Variants in CNTRL observed in about 807,000 individuals in gnomAD.
The protein encoded by CNTRL is 110 kDa centrosomal protein.
A neutral mutation model predicts 303.7 loss-of-function variants in CNTRL; 233 were observed. That is an observed-to-expected ratio of 0.77 (90% confidence interval 0.69 to 0.86). The LOEUF is 0.86. Ranked by LOEUF, CNTRL falls within the 40% of genes least tolerant of loss-of-function variation. The pLI, the probability that CNTRL is intolerant of heterozygous loss-of-function variation, is 0.00. For synonymous variants in CNTRL, 900 were observed against 922.2 expected (o/e 0.98, Z 0.44); for missense variants, 2,524 against 2,650.6 (o/e 0.95, Z 1.05).
At position 121,161,930 on chromosome 9, in the gene CNTRL, A is replaced by AGGGT; in HGVS notation, c.5165_5168dup (p.Ser1724GlyfsTer3). On this transcript the variant is annotated frameshift_variant, in exon 33 of 44. Transcript: ENST00000373855. LOFTEE classifies it high-confidence loss of function. Reference sequence around the variant, plus strand: ...AGGTTTGAAGCTACAACATGACCAAAGGGTATCTGAATTAGAGAAGACTCA... The same window carrying AGGGT: ...AGGTTTGAAGCTACAACATGACCAAAGGGTGGGTATCTGAATTAGAGAAGACTCA... 1 of 1,614,206 alleles carries AGGGT rather than the reference A, an allele frequency of 6.2e-7. No individual in the cohort carries two copies. The highest frequency in any genetic ancestry group is 8.5e-7 in the Non-Finnish European group (1 of 1,180,028).
At chr9:121,126,670 A>G (rs973842376) in intron 14 of CNTRL, among the ~76,000 whole-genome samples, 1 of 152,114 alleles carries the variant, frequency 6.6e-6, no homozygotes, top group Non-Finnish European at 1.5e-5. Context: ...TATGGTTATT[A>G]TTTCCCTGCA....
Position 121,166,151 on chromosome 9 carries a change from G to A in CNTRL, c.5626G>A (p.Val1876Ile), listed in dbSNP as rs768158186. ...VNSLQEELAN[V>I]QDHLNLAKQD... ...CTCACTGCAGGAGGAACTAGCTAAT[G>A]TCCAAGACCATTTGAACCTAGCAAA... Residue 1876 changes from valine (V) to isoleucine (I), a missense_variant, in exon 36 of 44, where the codon GTC becomes ATC. Val to Ile is a conservative substitution (Grantham distance 29). Coordinates refer to ENST00000373855, the MANE Select transcript of CNTRL (RefSeq NM_007018.6). The A allele has an allele frequency of 5.6e-6, 9 of 1,612,328 alleles. No individual in the cohort carries two copies. Among genetic ancestry groups the A allele is most frequent in the South Asian group, 5.5e-5 (5 of 90,740 alleles).
At chr9:121,167,702 TAAAA>T in intron 37 of CNTRL, 25 bp downstream of exon 37, 2 of 1,594,610 alleles carry the variant, frequency 1.3e-6, no homozygotes, top group Non-Finnish European at 1.7e-6. Flanking sequence ...TGATTTTACA[TAAAA>T]AAAGCATTTT....
In CNTRL at chr9:121,098,502, A is replaced by C; in HGVS notation, c.738A>C (p.Ser246=). 1.2e-6 allele frequency: 2 copies of C among 1,613,886 alleles called. No homozygotes were observed. Among genetic ancestry groups the C allele is most frequent in the Middle Eastern group, 1.7e-4 (1 of 6,056 alleles). ...YLQFTIFHLR[S]LESLEGQPVT... is the part of the protein sequence containing the mutation. ...AGTTTACCATTTTCCACCTCCGTTC[A>C]TTGGAAAGTTTGGAAGGTCAGCCAG... The change falls in exon 7 of 44, where the codon TCA becomes TCC. Residue 246 remains serine (S), a synonymous_variant. Coordinates refer to ENST00000373855, the MANE Select transcript of CNTRL (RefSeq NM_007018.6).
intron 13 of CNTRL, among the ~76,000 whole-genome samples, chr9:121,125,396 T>C (rs959617678): frequency 2.0e-5 from 3 of 152,088 alleles, no homozygotes. Context: ...CCTGACCTCA[T>C]GATCCGCCTG....
chr9:121,106,682 CTGTT>C (rs952362130), intron 7 of CNTRL, among the ~76,000 whole-genome samples: 22 of 152,096 alleles, frequency 1.4e-4, no homozygotes, highest in African/African-American at 4.1e-4. Flanking sequence ...ATGAGCCTGT[CTGTT>C]CATTTGAAAT....
chr9:121,124,739 A>G (rs536101902), intron 13 of CNTRL, among the ~76,000 whole-genome samples: 1 of 149,702 alleles, frequency 6.7e-6, no homozygotes, highest in South Asian at 2.1e-4. Context: ...GGAGTTCGAG[A>G]TCAGCATGGG....
At chr9:121,136,054 TGTCTTA>T in intron 15 of CNTRL, 72 bp downstream of exon 15, 1 of 1,314,604 alleles carries the variant, frequency 7.6e-7, no homozygotes, top group Non-Finnish European at 1.0e-6. Flanking sequence ...CTTTTATTTA[TGTCTTA>T]ATTTAAAATT....
rs199993226 is a variant in CNTRL at position 121,166,112 on chromosome 9, C to T, written c.5587C>T (p.Arg1863Ter). Reference protein sequence around the residue: ...SAMQQQLQEKREAVNSLQEEL... With the variant: ...SAMQQQLQEK ...TGAGAATGTCATTTCTTTAGAAAAA[C>T]GAGAAGCAGTAAACTCACTGCAGGA... The change falls in exon 36 of 44, where the codon CGA becomes TGA. Residue 1863 changes from arginine (R) to a stop codon, truncating the protein, a stop_gained. Coordinates refer to ENST00000373855, the MANE Select transcript of CNTRL (RefSeq NM_007018.6). LOFTEE classifies it high-confidence loss of function. 27 of 1,609,498 alleles carry T rather than the reference C, an allele frequency of 1.7e-5. No homozygotes were observed. The highest frequency in any genetic ancestry group is 3.3e-4 in the Middle Eastern group (2 of 6,014).
chr9:121,127,917 AG>A (rs1459090939), intron 14 of CNTRL, among the ~76,000 whole-genome samples: 2 of 150,730 alleles, frequency 1.3e-5, no homozygotes, highest in African/African-American at 4.9e-5. Context: ...TCCTTGTGAT[AG>A]TTTGCAAAGA....
intron 25 of CNTRL, among the ~76,000 whole-genome samples, chr9:121,151,638 G>A (rs1038685571): frequency 2.0e-5 from 3 of 152,074 alleles, no homozygotes; most frequent in Non-Finnish European, 2.9e-5. Context: ...GTGATCGCCT[G>A]CCTGGACCTC....
intron 4 of CNTRL, among the ~76,000 whole-genome samples, chr9:121,094,347 A>G (rs939595267): frequency 1.3e-5 from 2 of 152,154 alleles, no homozygotes; most frequent in East Asian, 3.9e-4. Context: ...GAGGCAGAGC[A>G]AGAGAGCAAA....
At chr9:121,150,905 A>G (rs1226455207) in intron 25 of CNTRL, among the ~76,000 whole-genome samples, 3 of 152,246 alleles carry the variant, frequency 2.0e-5, no homozygotes, top group Non-Finnish European at 2.9e-5. Flanking sequence ...CAAGTGTTAT[A>G]TTAATGTGTA....
At chr9:121,149,692 C>G (rs1279463994) in intron 24 of CNTRL, among the ~76,000 whole-genome samples, 5 of 152,162 alleles carry the variant, frequency 3.3e-5, no homozygotes, top group African/African-American at 1.2e-4. Flanking sequence ...CAGGCGTGAG[C>G]CACCGTATGT....
intron 7 of CNTRL, among the ~76,000 whole-genome samples, chr9:121,106,249 G>GA (rs1412813714): frequency 6.7e-6 from 1 of 148,332 alleles, no homozygotes; most frequent in Non-Finnish European, 1.5e-5. Flanking sequence ...TGAGAGAAGA[G>GA]AATCACTTGA....
At position 121,090,362 on chromosome 9, in the gene CNTRL, C is replaced by T. The variant is rs2048512547; in HGVS notation, c.305C>T (p.Ser102Phe). 1 of 1,612,582 alleles carries T rather than the reference C, an allele frequency of 6.2e-7. No individual in the cohort carries two copies. The highest frequency in any genetic ancestry group is 1.3e-5 in the African/African-American group (1 of 74,836). Residue 102 changes from serine (S) to phenylalanine (F), a missense_variant, in exon 4 of 44, where the codon TCT becomes TTT. Coordinates refer to ENST00000373855, the MANE Select transcript of CNTRL (RefSeq NM_007018.6). ...TKQDNLALIKSLNLSLSKDGG... is the reference protein window; with the variant it reads ...TKQDNLALIKFLNLSLSKDGG... ...CAGGATAATTTGGCTTTGATAAAAT[C>T]TCTGAACCTTTCACTTTCTAAAGAC...
intron 14 of CNTRL, among the ~76,000 whole-genome samples, chr9:121,133,172 G>C (rs1376741011): frequency 2.0e-5 from 3 of 152,256 alleles, no homozygotes; most frequent in African/African-American, 4.8e-5. Context: ...GCTCTCTTCA[G>C]AGCTGTCCTA....
chr9:121,083,949 A>G lies in CNTRL; in HGVS notation c.-32+3471A>G, dbSNP rs1455064799. Among the ~76,000 whole-genome samples the G allele has an allele frequency of 2.0e-5, 3 of 152,258 alleles. No individual in the cohort carries two copies. In the East Asian group the frequency reaches 5.8e-4, roughly 29 times the overall value. On this transcript the variant is annotated intron_variant, in intron 2 of 43. Coordinates refer to ENST00000373855, the MANE Select transcript of CNTRL (RefSeq NM_007018.6). ...GATGCGTGACTGTATGTATTTCACA[A>G]TATCACATATATGAAGATGTTTGTC... is the stretch of plus-strand genomic sequence containing the variant.
chr9:121,120,709 G>A (rs149325532), intron 12 of CNTRL, among the ~76,000 whole-genome samples: 3 of 152,196 alleles, frequency 2.0e-5, no homozygotes, highest in African/African-American at 4.8e-5. Flanking sequence ...TATTTCTGGC[G>A]GACAGAGAGT....
Sources: gnomAD v4.1 joint callset for allele counts (sites outside exome capture counted in the v4.1 genomes callset) on GRCh38, gnomAD v4.1.1 for gene constraint, MANE v1.5 for transcripts, NCBI Gene and HGNC (gene_info 2026-07-23, HGNC 2026-07-21) for gene names.